Variants in DROSHA observed in about 807,000 individuals in gnomAD.
DROSHA encodes ribonuclease 3.
Under a neutral mutation model 181.9 loss-of-function variants are expected in DROSHA, and 56 were observed. The observed-to-expected ratio is 0.31, with a 90% CI of 0.25 to 0.38. DROSHA has a LOEUF of 0.38. Among genes scored for constraint, DROSHA ranks in the 10% least tolerant of loss-of-function variants. The pLI, the probability that DROSHA is intolerant of heterozygous loss-of-function variation, is 1.00. For synonymous variants in DROSHA, 524 were observed against 591.2 expected (o/e 0.89, Z 1.65); for missense variants, 1,218 against 1,743.5 (o/e 0.70, Z 5.37).
intron 20 of DROSHA, among the ~76,000 whole-genome samples, chr5:31,456,286 T>G (rs1236081888): frequency 6.6e-6 from 1 of 152,072 alleles, no homozygotes; most frequent in Non-Finnish European, 1.5e-5. Context: ...CTAACATTGA[T>G]TAGTACAACC....
In DROSHA at chr5:31,526,842, CT is replaced by C; in HGVS notation, c.90del (p.Ala31HisfsTer9). The C allele has an allele frequency of 6.2e-7, 1 of 1,613,362 alleles. No homozygotes were observed. Among genetic ancestry groups the C allele is most frequent in the Non-Finnish European group, 8.5e-7 (1 of 1,179,820 alleles). Reference sequence around the variant, plus strand: ...AGATTTTGGGGCCTAAAGGATGGTGCTGAGGGTCTGGCTCCATGTCCTCCTC... The same window carrying C: ...AGATTTTGGGGCCTAAAGGATGGTGCGAGGGTCTGGCTCCATGTCCTCCTC... Reference protein sequence around the residue: ...RGRGGHGARPSAPSFRPQNLR... With the variant: ...RGRGGHGARPXAPSFRPQNLR... On this transcript the variant is annotated frameshift_variant, in exon 5 of 36. Transcript: ENST00000344624. LOFTEE classifies it high-confidence loss of function.
Position 31,411,010 on chromosome 5 carries a change from T to C in DROSHA, c.3526-123A>G. ...CAGGGACACCAAAATAAGTGAGGTC[T>C]ATGGCCTCAACCATCACCCAGATGA... On this transcript the variant is annotated intron_variant, in intron 30 of 35. Coordinates refer to ENST00000344624, the MANE Select transcript of DROSHA (RefSeq NM_001382508.1). The surrounding 1 kb of genome is among the most constrained non-coding windows in gnomAD (Gnocchi z 4.2). 2.2e-6 allele frequency: 3 copies of C among 1,359,816 alleles called. No individual in the cohort carries two copies. Among genetic ancestry groups the C allele is most frequent in the Non-Finnish European group, 3.0e-6 (3 of 992,448 alleles). 84.2% of individuals were successfully genotyped at this position (1,359,816 alleles called of 1,614,324 possible). A position where few individuals can be genotyped will look rare whatever the true frequency, so the allele number is the denominator to read the frequency against.
Position 31,526,730 on chromosome 5 carries a change from G to T in DROSHA, c.203C>A (p.Ala68Asp), listed in dbSNP as rs1740629052. Residue 68 changes from alanine (A) to aspartate (D), a missense_variant, in exon 5 of 36, where the codon GCC becomes GAC. Ala to Asp is a moderately radical substitution (Grantham distance 126). Transcript: ENST00000344624. ...APSTTFSNSPAPNFLPPRPDF... is the reference protein window; with the variant it reads ...APSTTFSNSPDPNFLPPRPDF... ...TGGTCGTGGAGGGAGAAAATTGGGG[G>T]CTGGAGAGTTTGAGAAAGTGGTGGA... 1 of 1,575,214 alleles carries T rather than the reference G, an allele frequency of 6.3e-7. No homozygotes were observed. Among genetic ancestry groups the T allele is most frequent in the Non-Finnish European group, 8.6e-7 (1 of 1,163,290 alleles).
chr5:31,465,617 T>C (rs570940968), intron 19 of DROSHA, among the ~76,000 whole-genome samples: 10 of 152,212 alleles, frequency 6.6e-5, no homozygotes, highest in South Asian at 2.1e-4. Flanking sequence ...AAATTTCACA[T>C]TGAAATATGA....
chr5:31,408,165 A>G (rs917996208), intron 33 of DROSHA, among the ~76,000 whole-genome samples: 9 of 152,126 alleles, frequency 5.9e-5, no homozygotes, highest in African/African-American at 2.2e-4. Context: ...TGCCAGTCTA[A>G]TGTTTTTCCT....
Position 31,405,625 on chromosome 5 carries a change from TAAAAC to T in DROSHA, c.3994+47_3994+51del. 4.8e-6 allele frequency: 7 copies of T among 1,467,204 alleles called. No individual in the cohort carries two copies. The South Asian group carries it at 9.2e-5, about 19-fold the overall frequency. The allele number at this position is 1,467,204 out of a possible 1,614,324, so 90.9% of individuals were successfully genotyped here. On this transcript the variant is annotated intron_variant, in intron 35 of 35. Coordinates refer to ENST00000344624, the MANE Select transcript of DROSHA (RefSeq NM_001382508.1). ...TTTCTCCTTCCTCATTTCCTTTCCATAAAACACTCATTACATTATGAACATAATTA... is the reference window on the plus strand; with the variant it reads ...TTTCTCCTTCCTCATTTCCTTTCCATACTCATTACATTATGAACATAATTA...
intron 10 of DROSHA, among the ~76,000 whole-genome samples, chr5:31,507,298 T>C (rs1738090446): frequency 6.6e-6 from 1 of 152,068 alleles, no homozygotes; most frequent in Admixed American, 6.6e-5. Context: ...CTATCTCTAC[T>C]AAAAATACAA....
chr5:31,529,280 C>A (rs1164064202), intron 3 of DROSHA, among the ~76,000 whole-genome samples, 175 bp from the exon 4 acceptor site: 3 of 152,132 alleles, frequency 2.0e-5, no homozygotes, highest in Non-Finnish European at 2.9e-5. Context: ...TTTTTAATGT[C>A]CTTAAATTTT....
intron 16 of DROSHA, among the ~76,000 whole-genome samples, chr5:31,477,238 TA>T: frequency 6.6e-6 from 1 of 152,170 alleles, no homozygotes; most frequent in Non-Finnish European, 1.5e-5. Flanking sequence ...TTTATATGGT[TA>T]TTTGGGGAGG....
At chr5:31,456,766 G>T (rs1210796688) in intron 20 of DROSHA, among the ~76,000 whole-genome samples, 2 of 152,046 alleles carry the variant, frequency 1.3e-5, no homozygotes, top group East Asian at 1.9e-4. Context: ...GTTGTGGTTT[G>T]GTTTTGTTTT....
At chr5:31,492,107 T>G (rs966838570) in intron 13 of DROSHA, among the ~76,000 whole-genome samples, 1 of 152,232 alleles carries the variant, frequency 6.6e-6, no homozygotes, top group Non-Finnish European at 1.5e-5. Flanking sequence ...ATTATTGCTT[T>G]TCTACATTAG....
chr5:31,431,482 A>T, intron 26 of DROSHA, 94 bp downstream of exon 26: 1 of 1,265,990 alleles, frequency 7.9e-7, no homozygotes, highest in Non-Finnish European at 1.1e-6. Context: ...GGGAACAAGT[A>T]ATTCTGTCCC....
chr5:31,435,924 C>G, intron 24 of DROSHA, 60 bp from the exon 25 acceptor site: 4 of 1,518,568 alleles, frequency 2.6e-6, no homozygotes, highest in Non-Finnish European at 3.6e-6. Flanking sequence ...GTCTGTGGCT[C>G]TGAGTCACAG....
At position 31,427,184 on chromosome 5, in the gene DROSHA, TGAGTCAGAG is replaced by T. The variant is rs561306759; in HGVS notation, c.3216+2282_3216+2290del. Among the ~76,000 whole-genome samples, 34 of 152,210 alleles carry T rather than the reference TGAGTCAGAG, an allele frequency of 2.2e-4. No individual in the cohort carries two copies. The East Asian group carries it at 5.4e-3, about 24-fold the overall frequency. ...TTTCTGCAGCTCCAGAGAAAAGGCC[TGAGTCAGAG>T]GTACTGGGACAGCTGTGTAAAGAGA... On this transcript the variant is annotated intron_variant, in intron 27 of 35. Coordinates refer to ENST00000344624, the MANE Select transcript of DROSHA (RefSeq NM_001382508.1).
intron 6 of DROSHA, among the ~76,000 whole-genome samples, chr5:31,516,596 T>C (rs1739299190): frequency 6.6e-6 from 1 of 152,220 alleles, no homozygotes; most frequent in African/African-American, 2.4e-5. Flanking sequence ...TACGCATCAT[T>C]AGTTTTGTTA....
chr5:31,522,205 T>C (rs1044236748), intron 5 of DROSHA, among the ~76,000 whole-genome samples: 3 of 152,218 alleles, frequency 2.0e-5, no homozygotes, highest in African/African-American at 7.2e-5. Context: ...TTCTGATATA[T>C]ATACAATCCT....
At chr5:31,451,000 G>C (rs189200861) in intron 21 of DROSHA, among the ~76,000 whole-genome samples, 2 of 152,084 alleles carry the variant, frequency 1.3e-5, no homozygotes, top group East Asian at 1.9e-4. Context: ...TCAGAAGTTC[G>C]AGACCAGCCT....
In DROSHA at chr5:31,421,313, AGTACTCT is replaced by A. The variant is rs1742633441; in HGVS notation, c.3477_3483del (p.Glu1160TyrfsTer13). On this transcript the variant is annotated frameshift_variant, in exon 30 of 36. Transcript: ENST00000344624. LOFTEE classifies it high-confidence loss of function. ...TGATGATCTGGGAAATGAATGAATA[AGTACTCT>A]GTGGCTACCAGTTGCATTATGGAGT... 6.2e-7 allele frequency: 1 copy of A among 1,613,602 alleles called. No homozygotes were observed.
intron 30 of DROSHA, among the ~76,000 whole-genome samples, chr5:31,414,193 G>C (rs991974693): frequency 4.6e-5 from 7 of 152,272 alleles, no homozygotes; most frequent in African/African-American, 1.7e-4. Flanking sequence ...ATATCAAATG[G>C]GGGCAGTTGT....
Sources: allele counts gnomAD v4.1 joint callset (sites outside exome capture counted in the v4.1 genomes callset), GRCh38; gene constraint gnomAD v4.1.1; non-coding constraint Gnocchi (gnomAD v3.1); transcripts MANE v1.5; gene names NCBI Gene and HGNC (gene_info 2026-07-23, HGNC 2026-07-21).